Variants in CFAP77 observed in about 807,000 individuals in gnomAD.
CFAP77 encodes cilia and flagella associated protein 77, also known as cilia- and flagella-associated protein 77.
In CFAP77, 25 loss-of-function variants were observed where a neutral mutation model predicts 31.1. The observed-to-expected ratio is 0.80, with a 90% confidence interval of 0.59 to 1.12. CFAP77 has a LOEUF of 1.12. Ranked by LOEUF, CFAP77 falls within the 50% of genes most tolerant of loss-of-function variation. CFAP77 has a pLI of 0.00. For synonymous variants in CFAP77, 151 were observed against 159.9 expected (o/e 0.94, Z 0.42); for missense variants, 377 against 397.3 (o/e 0.95, Z 0.44).
At chr9:132,516,794 A>G (rs1048009344) in intron 3 of CFAP77, among the ~76,000 whole-genome samples, 1 of 152,072 alleles carries the variant, frequency 6.6e-6, no homozygotes, top group Non-Finnish European at 1.5e-5. Context: ...AATGATCTCC[A>G]TAAAAGTTTC....
intron 1 of CFAP77, among the ~76,000 whole-genome samples, chr9:132,461,877 C>T (rs1480218058): frequency 1.3e-5 from 2 of 152,314 alleles, no homozygotes; most frequent in East Asian, 1.9e-4. Flanking sequence ...CTAGAGCCTG[C>T]GTCCTTGAGA....
Position 132,493,483 on chromosome 9 carries a change from G to A in CFAP77, c.196-5212G>A, listed in dbSNP as rs73659057. Among the ~76,000 whole-genome samples, 549 of 152,350 alleles carry A rather than the reference G, an allele frequency of 3.6e-3. 6 individuals carry two copies. The highest frequency in any genetic ancestry group is 0.013 in the African/African-American group (526 of 41,574). ...AAGCTGGGTCTCCGCTGTGGACAGA[G>A]AGCACATTGCTCCATCAGCAGAGAG... On this transcript the variant is annotated intron_variant, in intron 1 of 5. Coordinates refer to ENST00000393216, the MANE Select transcript of CFAP77 (RefSeq NM_001282957.2).
At chr9:132,449,822 C>T (rs1477313641) in intron 1 of CFAP77, among the ~76,000 whole-genome samples, 2 of 152,134 alleles carry the variant, frequency 1.3e-5, no homozygotes, top group African/African-American at 4.8e-5. Context: ...TCAGTTGCTC[C>T]CCGTTCTCAC....
intron 1 of CFAP77, among the ~76,000 whole-genome samples, chr9:132,457,950 G>A (rs1044589216): frequency 6.6e-6 from 1 of 152,106 alleles, no homozygotes; most frequent in Non-Finnish European, 1.5e-5. Context: ...GTCCCAGATC[G>A]TCAGGACCGA....
At chr9:132,536,833 G>T (rs1054097448) in intron 3 of CFAP77, among the ~76,000 whole-genome samples, 4 of 152,184 alleles carry the variant, frequency 2.6e-5, no homozygotes, top group African/African-American at 9.7e-5. Context: ...GGTCTGCCTT[G>T]CGGTGCTTCC....
At position 132,490,116 on chromosome 9, in the gene CFAP77, A is replaced by T. The variant is rs991716522; in HGVS notation, c.196-8579A>T. ...GTGGGGACGAATGCCGTATCCTCGC[A>T]TGACAGACGGACAGAAGGGGATAAA... On this transcript the variant is annotated intron_variant, in intron 1 of 5. Coordinates refer to ENST00000393216, the MANE Select transcript of CFAP77 (RefSeq NM_001282957.2). The surrounding 1 kb of genome is among the most constrained non-coding windows in gnomAD (Gnocchi z 4.6). Among the ~76,000 whole-genome samples, 2 of 152,028 alleles carry T rather than the reference A, an allele frequency of 1.3e-5. No homozygotes were observed. Among genetic ancestry groups the T allele is most frequent in the East Asian group, 3.9e-4 (2 of 5,172 alleles).
intron 1 of CFAP77, among the ~76,000 whole-genome samples, chr9:132,435,244 C>T (rs1207520696): frequency 6.6e-6 from 1 of 152,088 alleles, no homozygotes; most frequent in South Asian, 2.1e-4. Context: ...AGACAGAAAG[C>T]GAGTGGGCTA....
intron 1 of CFAP77, among the ~76,000 whole-genome samples, chr9:132,474,686 C>T (rs1851321408): frequency 6.6e-6 from 1 of 152,166 alleles, no homozygotes; most frequent in East Asian, 1.9e-4. Flanking sequence ...TATTGACCAA[C>T]AGGCACACAG....
intron 3 of CFAP77, among the ~76,000 whole-genome samples, chr9:132,521,461 C>T (rs1279985874): frequency 1.3e-5 from 2 of 152,214 alleles, no homozygotes; most frequent in Admixed American, 6.5e-5. Flanking sequence ...GACAACCCAG[C>T]ACCATCCCTG....
chr9:132,512,827 A>G (rs561097535), intron 3 of CFAP77, among the ~76,000 whole-genome samples: 2 of 152,274 alleles, frequency 1.3e-5, no homozygotes, highest in East Asian at 3.9e-4. Context: ...GGTGCCTGCA[A>G]TCCCAGCTAC....
rs1852866644 is a variant in CFAP77, at chr9:132,554,439, T to TG, written c.732+11393dup. 1.3e-5 allele frequency among the ~76,000 whole-genome samples: 2 copies of TG among 151,970 alleles called. No individual in the cohort carries two copies. Among genetic ancestry groups the TG allele is most frequent in the Admixed American group, 1.3e-4 (2 of 15,258 alleles). The stretch of plus-strand genomic sequence containing the variant: ...ACAGCCTCAACTTCCTAGGCTCAGG[T>TG]GATCCCCCACCTCAGCCTCCCAAGT... On this transcript the variant is annotated intron_variant, in intron 5 of 5. Coordinates refer to ENST00000393216, the MANE Select transcript of CFAP77 (RefSeq NM_001282957.2). This position sits in a 1 kb window ranked among gnomAD's most constrained non-coding sequence, Gnocchi z 4.1.
At chr9:132,425,530 G>A (rs1001606) in intron 1 of CFAP77, among the ~76,000 whole-genome samples, 91,297 of 152,028 alleles carry the variant, frequency 0.6, 31,250 homozygotes, top group Non-Finnish European at 0.76. Context: ...ACAAAGAAGC[G>A]TGATGCCTTT....
At chr9:132,536,802 A>G (rs1479928688) in intron 3 of CFAP77, among the ~76,000 whole-genome samples, 1 of 152,200 alleles carries the variant, frequency 6.6e-6, no homozygotes, top group Non-Finnish European at 1.5e-5. Context: ...ATTCGCTGCT[A>G]CAGAGGCTTG....
chr9:132,479,957 C>G (rs976104651), intron 1 of CFAP77, among the ~76,000 whole-genome samples: 1 of 152,122 alleles, frequency 6.6e-6, no homozygotes, highest in Non-Finnish European at 1.5e-5. Flanking sequence ...TGGCTCTGAG[C>G]TCTCCACTGT....
intron 1 of CFAP77, among the ~76,000 whole-genome samples, chr9:132,478,350 C>T (rs188478226): frequency 2.8e-4 from 42 of 152,060 alleles, no homozygotes; most frequent in Admixed American, 4.6e-4. Flanking sequence ...TTACCCTGCA[C>T]GAGGCTCACA....
Position 132,411,996 on chromosome 9 carries a change from G to A in CFAP77, c.195+1530G>A, listed in dbSNP as rs1213449770. Among the ~76,000 whole-genome samples, 18 of 152,238 alleles carry A rather than the reference G, an allele frequency of 1.2e-4. No individual in the cohort carries two copies. In the Middle Eastern group the frequency reaches 0.024, roughly 201 times the overall value. On this transcript the variant is annotated intron_variant, in intron 1 of 5. Coordinates refer to ENST00000393216, the MANE Select transcript of CFAP77 (RefSeq NM_001282957.2). The stretch of plus-strand genomic sequence containing the variant: ...ATATACATGTACATATGTGTAAAAT[G>A]TATGTACATATATGTAAATTTCCCC...
chr9:132,506,416 C>T (rs776604283), intron 3 of CFAP77, among the ~76,000 whole-genome samples: 4 of 152,024 alleles, frequency 2.6e-5, no homozygotes, highest in East Asian at 1.9e-4. Context: ...CTAATTGGCC[C>T]GGCACTGTCG....
intron 1 of CFAP77, among the ~76,000 whole-genome samples, chr9:132,487,585 AT>A (rs35745635): frequency 1.9e-4 from 27 of 145,068 alleles, no homozygotes; most frequent in African/African-American, 2.8e-4. Flanking sequence ...TTTTCAATGC[AT>A]TTTTTTTTTA....
intron 3 of CFAP77, among the ~76,000 whole-genome samples, chr9:132,529,507 T>TAAAAA (rs750691279): frequency 1.3e-4 from 14 of 108,832 alleles, no homozygotes; most frequent in African/African-American, 4.7e-4. Flanking sequence ...TAGAGTATAA[T>TAAAAA]AAAAAAAAAA....
Sources: gnomAD v4.1 joint callset for allele counts (sites outside exome capture counted in the v4.1 genomes callset) on GRCh38, gnomAD v4.1.1 for gene constraint, Gnocchi (gnomAD v3.1) non-coding constraint, MANE v1.5 for transcripts, NCBI Gene and HGNC (gene_info 2026-07-23, HGNC 2026-07-21) for gene names.